Variants in PCCB observed in about 807,000 individuals in gnomAD.
PCCB encodes propionyl-CoA carboxylase subunit beta.
Under a neutral mutation model 60.7 loss-of-function variants are expected in PCCB, and 43 were observed. That is an observed-to-expected ratio of 0.71 (90% CI 0.55 to 0.91). The LOEUF (loss-of-function observed/expected upper bound fraction) is 0.91. PCCB is among the 40% of genes least tolerant of loss of function. PCCB has a pLI of 0.00. For synonymous variants in PCCB, 276 were observed against 255.9 expected (o/e 1.08, Z -0.75); for missense variants, 766 against 702.8 (o/e 1.09, Z -1.02).
intron 10 of PCCB, among the ~76,000 whole-genome samples, chr3:136,317,445 T>A (rs1041101401): frequency 6.6e-6 from 1 of 151,840 alleles, no homozygotes; most frequent in Non-Finnish European, 1.5e-5. Flanking sequence ...CCTGTGCTGG[T>A]TTTGAACTCC....
At chr3:136,268,090 A>ATATATATATATATATATATGTG (rs1942068997) in intron 5 of PCCB, among the ~76,000 whole-genome samples, 1 of 59,938 alleles carries the variant, frequency 1.7e-5, no homozygotes, top group Non-Finnish European at 2.9e-5. Flanking sequence ...GTGTGTAGAT[A>ATATATATATATATATATATGTG]TATATATATA....
intron 9 of PCCB, among the ~76,000 whole-genome samples, chr3:136,309,323 A>T (rs1934570609): frequency 6.6e-6 from 1 of 152,078 alleles, no homozygotes; most frequent in Non-Finnish European, 1.5e-5. Flanking sequence ...CAGGGGAAAA[A>T]ACCCTGTAAA....
At chr3:136,295,356 A>C (rs17252498) in intron 7 of PCCB, among the ~76,000 whole-genome samples, 23,627 of 152,242 alleles carry the variant, frequency 0.16, 2,081 homozygotes, top group Middle Eastern at 0.22. Flanking sequence ...TAAAAAAGTT[A>C]GGGCTCTTGA....
chr3:136,294,026 A>G (rs1220256947), intron 7 of PCCB, among the ~76,000 whole-genome samples, 162 bp downstream of exon 7: 1 of 152,230 alleles, frequency 6.6e-6, no homozygotes, highest in Non-Finnish European at 1.5e-5. Flanking sequence ...TATTGTTTAC[A>G]GATATAGTGA....
In PCCB at chr3:136,299,625, GGTATGCATGT is replaced by G. The variant is rs1487747591; in HGVS notation, c.885-1399_885-1390del. ...GTATGTATATGCATGTGTATGTATA[GGTATGCATGT>G]GTATGTATGTATATGCATGTGTATG... On this transcript the variant is annotated intron_variant, in intron 8 of 14. Coordinates refer to ENST00000251654, the MANE Select transcript of PCCB (RefSeq NM_000532.5). Among the ~76,000 whole-genome samples the G allele has an allele frequency of 8.9e-5, 6 of 67,088 alleles. 1 individual carries two copies. Among genetic ancestry groups the G allele is most frequent in the African/African-American group, 4.4e-4 (6 of 13,586 alleles). 44.0% of individuals were successfully genotyped at this position (67,088 alleles called of 152,430 possible). A position where few individuals can be genotyped will look rare whatever the true frequency, so the allele number is the denominator to read the frequency against.
rs1195152952 is a variant in PCCB at position 136,303,555 on chromosome 3, A to G, written c.966+2444A>G. Among the ~76,000 whole-genome samples, 3 of 122,362 alleles carry G rather than the reference A, an allele frequency of 2.5e-5. 1 individual carries two copies. Among genetic ancestry groups the G allele is most frequent in the Non-Finnish European group, 5.4e-5 (3 of 55,080 alleles). The allele number at this position is 122,362 out of a possible 152,430, so 80.3% of individuals were successfully genotyped here. On this transcript the variant is annotated intron_variant, in intron 9 of 14. Coordinates refer to ENST00000251654, the MANE Select transcript of PCCB (RefSeq NM_000532.5). ...TGCGTATATTTTAAGGTATTTTAAA[A>G]TCAGGTTTTGGTATCGATGTTGTAT...
chr3:136,309,912 A>G (rs1005686406), intron 9 of PCCB, among the ~76,000 whole-genome samples: 1 of 152,024 alleles, frequency 6.6e-6, no homozygotes, highest in Non-Finnish European at 1.5e-5. Context: ...GAACCACCAA[A>G]TTCCACGGAA....
At chr3:136,260,439 G>T in intron 3 of PCCB, 40 bp from the exon 4 acceptor site, 1 of 1,540,896 alleles carries the variant, frequency 6.5e-7, no homozygotes, top group South Asian at 1.1e-5. Context: ...TCTCTAGCCA[G>T]TCACTATATT....
chr3:136,315,109 T>A (rs201250499), intron 9 of PCCB, among the ~76,000 whole-genome samples: 1,726 of 152,262 alleles, frequency 0.011, 28 homozygotes, highest in East Asian at 0.047. Flanking sequence ...GGGGGAAAGT[T>A]AAAGGAGCCT....
intron 5 of PCCB, among the ~76,000 whole-genome samples, chr3:136,273,994 C>G (rs1180647583): frequency 6.6e-6 from 1 of 151,410 alleles, no homozygotes; most frequent in Non-Finnish European, 1.5e-5. Flanking sequence ...TCTTTCCCCC[C>G]CTTTACCTTG....
Position 136,298,000 on chromosome 3 carries a change from T to A in PCCB, c.812T>A (p.Leu271His). The part of the protein sequence containing the change: ...FENDVDALCN[L>H]RDFFNYLPLS... ...AATGATGTTGATGCCTTGTGTAATC[T>A]CCGGGATTTCTTCAACTACCTGCCC... Residue 271 changes from leucine (L) to histidine (H), a missense_variant, in exon 8 of 15, where the codon CTC (leucine) becomes CAC (histidine). Physicochemically the swap from Leu to His is moderately conservative, Grantham distance 99. Transcript: ENST00000251654. 2 of 1,614,124 alleles carry A rather than the reference T, an allele frequency of 1.2e-6. No individual in the cohort carries two copies. The highest frequency in any genetic ancestry group is 1.7e-6 in the Non-Finnish European group (2 of 1,179,980).
intron 5 of PCCB, among the ~76,000 whole-genome samples, chr3:136,282,854 C>T (rs1183588833): frequency 6.6e-6 from 1 of 152,158 alleles, no homozygotes; most frequent in Non-Finnish European, 1.5e-5. Context: ...CACAGGCTTT[C>T]ACTGTTCTTA....
At position 136,293,809 on chromosome 3, in the gene PCCB, T is replaced by A. The variant is rs761472260; in HGVS notation, c.708T>A (p.Asn236Lys). 6.2e-7 allele frequency: 1 copy of A among 1,613,598 alleles called. No homozygotes were observed. The highest frequency in any genetic ancestry group is 1.3e-5 in the African/African-American group (1 of 74,898). ...TGPDVVKSVT[N>K]EDVTQEELGG... ...CTGATGTTGTGAAGTCTGTCACCAA[T>A]GAGGATGTTACCCAGGAGGAGCTCG... Residue 236 changes from asparagine to lysine, a missense_variant, in exon 7 of 15, where the codon AAT becomes AAA. Asn to Lys is a moderately conservative substitution (Grantham distance 94). Transcript: ENST00000251654.
intron 9 of PCCB, among the ~76,000 whole-genome samples, chr3:136,301,468 CAG>C (rs964511028): frequency 6.6e-6 from 1 of 152,006 alleles, no homozygotes; most frequent in African/African-American, 2.4e-5. Context: ...GCCCTCTGCT[CAG>C]AGGGGGTTTT....
At chr3:136,253,485 A>G (rs1453284650) in intron 1 of PCCB, among the ~76,000 whole-genome samples, 1 of 150,218 alleles carries the variant, frequency 6.7e-6, no homozygotes, top group Non-Finnish European at 1.5e-5. Context: ...CCCAGGTTCA[A>G]GTGATTCTCC....
intron 3 of PCCB, among the ~76,000 whole-genome samples, chr3:136,257,392 A>G (rs1312529787): frequency 6.6e-6 from 1 of 152,190 alleles, no homozygotes; most frequent in Non-Finnish European, 1.5e-5. Context: ...GAGCCTCCAG[A>G]AGGGAGCACA....
intron 7 of PCCB, among the ~76,000 whole-genome samples, chr3:136,295,411 C>T (rs1350896729): frequency 6.6e-6 from 1 of 152,220 alleles, no homozygotes; most frequent in Non-Finnish European, 1.5e-5. Context: ...AGGTTGGCAT[C>T]GATCTTGACT....
intron 5 of PCCB, among the ~76,000 whole-genome samples, chr3:136,273,406 CAGT>C (rs1413999746): frequency 6.6e-6 from 1 of 152,068 alleles, no homozygotes; most frequent in African/African-American, 2.4e-5. Flanking sequence ...CTAGTGCTGT[CAGT>C]GGAGTATCGA....
At chr3:136,300,847 C>T (rs574835010) in intron 8 of PCCB, among the ~76,000 whole-genome samples, 183 bp from the exon 9 acceptor site, 1 of 152,246 alleles carries the variant, frequency 6.6e-6, no homozygotes, top group East Asian at 1.9e-4. Flanking sequence ...ATACTTGTCC[C>T]AGGTTCAGTT....
Sources: gnomAD v4.1 joint callset for allele counts (sites outside exome capture counted in the v4.1 genomes callset) on GRCh38, gnomAD v4.1.1 for gene constraint, MANE v1.5 for transcripts, NCBI Gene and HGNC (gene_info 2026-07-23, HGNC 2026-07-21) for gene names.